The following DHRSX variants were observed in gnomAD, a reference collection of about 807,000 sequenced individuals.
DHRSX encodes the protein polyprenol dehydrogenase.
Under a neutral mutation model 34.0 loss-of-function variants are expected in DHRSX, and 31 were observed. The ratio of observed to expected loss-of-function variants is 0.91; its 90% confidence interval spans 0.69 to 1.23. The LOEUF is 1.23. DHRSX is among the 50% of genes most tolerant of loss of function. The pLI, the probability that DHRSX is intolerant of heterozygous loss-of-function variation, is 0.00. For synonymous variants in DHRSX, 201 were observed against 183.8 expected, an observed-to-expected ratio of 1.09 and a Z score of -0.76; for missense variants, 414 against 428.1, an observed-to-expected ratio of 0.97 and a Z score of 0.29.
At chrX:2,306,258 A>AAC (rs2042095472) in intron 3 of DHRSX, among the ~76,000 whole-genome samples, 1 of 151,910 alleles carries the variant, frequency 6.6e-6, no homozygotes, top group African/African-American at 2.4e-5. Context: ...CACCAAGAGA[A>AAC]ACACTGGTAG....
chrX:2,330,139 G>C (rs938794136), intron 3 of DHRSX, among the ~76,000 whole-genome samples: 17 of 133,624 alleles, frequency 1.3e-4, no homozygotes, highest in African/African-American at 4.3e-4. Context: ...AGAAAGGAAG[G>C]AGGAGGAGGA....
rs2016475164 is a variant in DHRSX, at chrX:2,253,211, G to C, written c.597-9981C>G. 5.9e-5 allele frequency among the ~76,000 whole-genome samples: 9 copies of C among 152,348 alleles called. 1 individual carries two copies. The South Asian group carries it at 1.9e-3, about 32-fold the overall frequency. On this transcript the variant is annotated intron_variant, in intron 5 of 6. Coordinates refer to ENST00000334651, the MANE Select transcript of DHRSX (RefSeq NM_145177.3). ...GATGGCGCCACTGCACGGCCTGGGA[G>C]GCGGACATGGCCTTGAGCCAAGATG...
At chrX:2,269,251 GTGTA>G (rs958709510) in intron 4 of DHRSX, among the ~76,000 whole-genome samples, 36 of 152,072 alleles carry the variant, frequency 2.4e-4, no homozygotes, top group African/African-American at 2.4e-4. Flanking sequence ...TTGTATTAGT[GTGTA>G]TGTATTTTAT....
chrX:2,267,028 A>G (rs2041484672), intron 4 of DHRSX, 81 bp from the exon 5 acceptor site: 14 of 1,450,954 alleles, frequency 9.6e-6, no homozygotes, highest in Non-Finnish European at 1.3e-5. Context: ...CCAGATGCGC[A>G]AATGGCCCAG....
At chrX:2,333,878 G>A (rs1325455903) in intron 3 of DHRSX, among the ~76,000 whole-genome samples, 1 of 152,106 alleles carries the variant, frequency 6.6e-6, no homozygotes, top group African/African-American at 2.4e-5. Flanking sequence ...AGTTTGCTAA[G>A]GACAATGATC....
chrX:2,308,889 G>A (rs1035519925), intron 3 of DHRSX, among the ~76,000 whole-genome samples: 13 of 139,862 alleles, frequency 9.3e-5, no homozygotes, highest in African/African-American at 3.3e-4. Context: ...TGGAAACGGG[G>A]AAGGAAGGAA....
intron 3 of DHRSX, among the ~76,000 whole-genome samples, chrX:2,378,151 G>A (rs561996761): frequency 2.6e-5 from 4 of 152,326 alleles, no homozygotes; most frequent in Non-Finnish European, 4.4e-5. Context: ...ATTTCCACCC[G>A]GATGTGTTGG....
intron 2 of DHRSX, among the ~76,000 whole-genome samples, chrX:2,424,915 G>A (rs1048863590): frequency 7.9e-5 from 12 of 152,150 alleles, no homozygotes; most frequent in East Asian, 1.9e-4. Flanking sequence ...CACGGCAGGC[G>A]GATGGCTTGA....
rs183887072 is a variant in DHRSX at position 2,395,153 on chromosome X, T to C, written c.286+13592A>G. Among the ~76,000 whole-genome samples the C allele has an allele frequency of 2.4e-3, 366 of 152,252 alleles. 2 individuals are homozygous for C. Among genetic ancestry groups the C allele is most frequent in the African/African-American group, 7.8e-3 (324 of 41,554 alleles). On this transcript the variant is annotated intron_variant, in intron 3 of 6. Coordinates refer to ENST00000334651, the MANE Select transcript of DHRSX (RefSeq NM_145177.3). ...ACAGGGCTGGCTCAACCCTGATTCC[T>C]CCAAGACCTGTGTTCTTTCCTGCAC...
chrX:2,261,499 C>G (rs1338450768), intron 5 of DHRSX: 1 of 151,024 alleles, frequency 6.6e-6, no homozygotes, highest in African/African-American at 2.4e-5. Context: ...TGGCTGGGCA[C>G]GGTGGCTCAT....
chrX:2,346,330 C>T (rs2042711320), intron 3 of DHRSX, among the ~76,000 whole-genome samples: 1 of 152,094 alleles, frequency 6.6e-6, no homozygotes, highest in Admixed American at 6.6e-5. Context: ...ATGTGCCATC[C>T]AGGATTTAAT....
At chrX:2,493,089 G>A (rs1346762624) in intron 1 of DHRSX, among the ~76,000 whole-genome samples, 1 of 152,246 alleles carries the variant, frequency 6.6e-6, no homozygotes, top group African/African-American at 2.4e-5. Context: ...TGGGGTGCAA[G>A]GAGGGGGGTC....
chrX:2,295,978 G>A (rs1039468255), intron 3 of DHRSX, among the ~76,000 whole-genome samples: 10 of 152,250 alleles, frequency 6.6e-5, no homozygotes, highest in African/African-American at 2.4e-4. Context: ...TTCTCGCCGA[G>A]AGATGCTTGT....
intron 3 of DHRSX, among the ~76,000 whole-genome samples, chrX:2,398,985 TG>T (rs2043449392): frequency 1.3e-5 from 2 of 152,128 alleles, no homozygotes. Flanking sequence ...CCCGAGTAGC[TG>T]GGACTACAGG....
At chrX:2,336,587 A>G (rs1407669519) in intron 3 of DHRSX, among the ~76,000 whole-genome samples, 2 of 149,334 alleles carry the variant, frequency 1.3e-5, no homozygotes, top group African/African-American at 4.9e-5. Flanking sequence ...TATTCACGGT[A>G]TTTTGTTTTT....
Position 2,353,401 on chromosome X carries a change from C to T in DHRSX, c.286+55344G>A, listed in dbSNP as rs968778031. Among the ~76,000 whole-genome samples the T allele has an allele frequency of 7.2e-5, 11 of 152,130 alleles. No homozygotes were observed. In the East Asian group the frequency reaches 1.4e-3, roughly 19 times the overall value. On this transcript the variant is annotated intron_variant, in intron 3 of 6. Coordinates refer to ENST00000334651, the MANE Select transcript of DHRSX (RefSeq NM_145177.3). The stretch of plus-strand genomic sequence containing the variant: ...GTTGTGCAGGAAAAAAAGAAAAAAG[C>T]GTCCAGGAATTCAGAACATGCTTAT...
intron 3 of DHRSX, among the ~76,000 whole-genome samples, chrX:2,322,073 C>T (rs140391877): frequency 0.012 from 1,892 of 152,014 alleles, 55 homozygotes; most frequent in African/African-American, 0.043. Context: ...ACCCATCACC[C>T]GAACAGTATA....
At chrX:2,371,930 C>A (rs989113296) in intron 3 of DHRSX, among the ~76,000 whole-genome samples, 1 of 152,180 alleles carries the variant, frequency 6.6e-6, no homozygotes. Flanking sequence ...CCATATCTTC[C>A]CTGCCCCAGA....
At chrX:2,229,863 GTGTA>G (rs1465695329) in intron 6 of DHRSX, among the ~76,000 whole-genome samples, 14 of 152,014 alleles carry the variant, frequency 9.2e-5, no homozygotes, top group African/African-American at 3.1e-4. Flanking sequence ...TATTGTATGA[GTGTA>G]TGTGCATGTC....
Sources: allele counts gnomAD v4.1 joint callset (sites outside exome capture counted in the v4.1 genomes callset), GRCh38; gene constraint gnomAD v4.1.1; transcripts MANE v1.5; gene names NCBI Gene and HGNC (gene_info 2026-07-23, HGNC 2026-07-21).